Variants in ADAM32 observed in about 807,000 individuals in gnomAD.
The protein encoded by ADAM32 is ADAM metallopeptidase domain 32, also known as disintegrin and metalloproteinase domain-containing protein 32.
ADAM32 carries 89 observed loss-of-function variants against 114.9 expected under a neutral mutation model. The observed-to-expected ratio is 0.77, with a 90% CI of 0.65 to 0.92. The LOEUF is 0.92. ADAM32 is among the 40% of genes least tolerant of loss of function. ADAM32 has a pLI of 0.00. For synonymous variants in ADAM32, 285 were observed against 307.5 expected, an observed-to-expected ratio of 0.93 and a Z score of 0.77; for missense variants, 870 against 932.8, an observed-to-expected ratio of 0.93 and a Z score of 0.88.
chr8:39,138,923 A>G (rs1233637162), intron 3 of ADAM32, among the ~76,000 whole-genome samples: 2 of 152,206 alleles, frequency 1.3e-5, no homozygotes, highest in Non-Finnish European at 2.9e-5. Flanking sequence ...TCTGATGACC[A>G]GTGATGATGA....
intron 19 of ADAM32, among the ~76,000 whole-genome samples, chr8:39,268,891 A>G (rs1477130023): frequency 2.0e-5 from 3 of 152,248 alleles, no homozygotes; most frequent in African/African-American, 7.2e-5. Context: ...CATTCTGAGT[A>G]ACTCTATCCA....
rs185970194 is a variant in ADAM32 at position 39,171,733 on chromosome 8, C to T, written c.915+1736C>T. On this transcript the variant is annotated intron_variant, in intron 10 of 24. Transcript: ENST00000379907. ...CCTTACCTCTATTTTAATTTATAAA[C>T]TGTAGACAATATTGGTAATATTACA... Among the ~76,000 whole-genome samples the T allele has an allele frequency of 3.4e-3, 515 of 151,682 alleles. 7 individuals are homozygous for T. Among genetic ancestry groups the T allele is most frequent in the African/African-American group, 0.011 (471 of 41,450 alleles).
intron 1 of ADAM32, among the ~76,000 whole-genome samples, chr8:39,111,294 C>G (rs1840147733): frequency 6.6e-6 from 1 of 152,142 alleles, no homozygotes; most frequent in African/African-American, 2.4e-5. Flanking sequence ...ATAGGTATGT[C>G]CATTTCCTCT....
In ADAM32 at chr8:39,275,791, A is replaced by AT. The variant is rs758087383; in HGVS notation, c.2241-35dup. The AT allele has an allele frequency of 1.6e-4, 249 of 1,538,714 alleles. 1 individual carries two copies. Among genetic ancestry groups the AT allele is most frequent in the Non-Finnish European group, 2.1e-4 (234 of 1,140,372 alleles). ...TTATGGAGGCACATTTGTGTTAAGTATTAACGTGGAAGCATTACTTTTTCG... is the reference window on the plus strand; with the variant it reads ...TTATGGAGGCACATTTGTGTTAAGTATTTAACGTGGAAGCATTACTTTTTCG... On this transcript the variant is annotated intron_variant, in intron 21 of 24. Coordinates refer to ENST00000379907, the MANE Select transcript of ADAM32 (RefSeq NM_145004.7).
chr8:39,275,956 C>A, intron 22 of ADAM32, 90 bp downstream of exon 22: 2 of 1,249,746 alleles, frequency 1.6e-6, no homozygotes, highest in South Asian at 1.5e-5. Flanking sequence ...TACTTGCTAA[C>A]TATTAACTGA....
chr8:39,264,007 G>A (rs1050994344), intron 19 of ADAM32, among the ~76,000 whole-genome samples: 5 of 152,138 alleles, frequency 3.3e-5, no homozygotes, highest in Non-Finnish European at 5.9e-5. Context: ...TAATCAAGAT[G>A]ATAAAGGTAT....
chr8:39,138,943 CAT>C (rs1378202036), intron 3 of ADAM32, among the ~76,000 whole-genome samples: 1 of 152,134 alleles, frequency 6.6e-6, no homozygotes, highest in Non-Finnish European at 1.5e-5. Context: ...AGCATTTTTT[CAT>C]ATGTCTGTTG....
At chr8:39,121,668 C>T (rs914028828) in intron 2 of ADAM32, among the ~76,000 whole-genome samples, 1 of 152,200 alleles carries the variant, frequency 6.6e-6, no homozygotes, top group African/African-American at 2.4e-5. Context: ...ACTCCTGCTA[C>T]AGGCCCAGGA....
chr8:39,234,816 C>T (rs949171342), intron 16 of ADAM32, among the ~76,000 whole-genome samples: 2 of 152,200 alleles, frequency 1.3e-5, no homozygotes, highest in African/African-American at 4.8e-5. Context: ...ACACAACATC[C>T]AAATAGCTCA....
chr8:39,124,874 T>G (rs1802020432), intron 2 of ADAM32, among the ~76,000 whole-genome samples: 1 of 152,218 alleles, frequency 6.6e-6, no homozygotes, highest in Non-Finnish European at 1.5e-5. Flanking sequence ...GTAAAGGGAT[T>G]GCTAGGTCAA....
chr8:39,257,308 GT>G lies in ADAM32; in HGVS notation c.2128del (p.Trp710GlyfsTer?), dbSNP rs768752668. 1 of 1,613,256 alleles carries G rather than the reference GT, an allele frequency of 6.2e-7. No homozygotes were observed. Among genetic ancestry groups the G allele is most frequent in the African/African-American group, 1.3e-5 (1 of 74,996 alleles). On this transcript the variant is annotated frameshift_variant, in exon 19 of 25. Coordinates refer to ENST00000379907, the MANE Select transcript of ADAM32 (RefSeq NM_145004.7). LOFTEE classifies it high-confidence loss of function. ...IVLARKQLKK[W>X]FAKEEEFPSS... The stretch of plus-strand genomic sequence containing the variant: ...TTTTGGCAAGGAAACAGTTGAAAAA[GT>G]GGTTCGCCAAGGAAGAGGAATTCCC...
intron 15 of ADAM32, among the ~76,000 whole-genome samples, chr8:39,233,278 A>G (rs1010730098): frequency 5.4e-4 from 82 of 152,326 alleles, no homozygotes; most frequent in African/African-American, 1.8e-3. Context: ...TATGCCAAGC[A>G]AGAGGTGTCT....
At chr8:39,165,444 G>T in intron 9 of ADAM32, 1 of 292,914 alleles carries the variant, frequency 3.4e-6, no homozygotes, top group Non-Finnish European at 6.2e-6. Context: ...AGCCATCTCA[G>T]GACTCTTGGA....
chr8:39,151,224 A>G (rs1803805892), intron 5 of ADAM32, among the ~76,000 whole-genome samples, 153 bp from the exon 6 acceptor site: 1 of 152,204 alleles, frequency 6.6e-6, no homozygotes, highest in South Asian at 2.1e-4. Context: ...GGATTTGGGA[A>G]ATCTTTTGTC....
chr8:39,107,984 G>A (rs1839997563), intron 1 of ADAM32, 151 bp downstream of exon 1: 1 of 1,093,144 alleles, frequency 9.1e-7, no homozygotes, highest in Admixed American at 3.3e-5. Context: ...GCCCCGTCCG[G>A]ATGGAGAAGC....
intron 11 of ADAM32, among the ~76,000 whole-genome samples, chr8:39,190,973 G>A (rs1313635852): frequency 1.3e-5 from 2 of 152,042 alleles, no homozygotes; most frequent in Non-Finnish European, 2.9e-5. Flanking sequence ...GTGTCTATGT[G>A]TTCTCATCCT....
At chr8:39,222,964 A>C in intron 13 of ADAM32, 76 bp from the exon 14 acceptor site, 2 of 1,282,924 alleles carry the variant, frequency 1.6e-6, no homozygotes, top group Non-Finnish European at 2.1e-6. Flanking sequence ...AATGATTAAC[A>C]CAATTTTGAA....
chr8:39,208,109 T>C (rs1346576916), intron 11 of ADAM32, among the ~76,000 whole-genome samples: 1 of 152,144 alleles, frequency 6.6e-6, no homozygotes, highest in Non-Finnish European at 1.5e-5. Flanking sequence ...CTAGATCATA[T>C]AGTAGTCCTA....
At chr8:39,202,378 T>G (rs1807485476) in intron 11 of ADAM32, among the ~76,000 whole-genome samples, 1 of 152,190 alleles carries the variant, frequency 6.6e-6, no homozygotes, top group African/African-American at 2.4e-5. Flanking sequence ...GTCCAGGAAT[T>G]TATCTGTTTC....
Sources: allele counts gnomAD v4.1 joint callset (sites outside exome capture counted in the v4.1 genomes callset), GRCh38; gene constraint gnomAD v4.1.1; transcripts MANE v1.5; gene names NCBI Gene and HGNC (gene_info 2026-07-23, HGNC 2026-07-21).